PALM2AKAP2: variants seen among roughly 807,000 people sequenced by gnomAD.
The protein encoded by PALM2AKAP2 is PALM2 and AKAP2 fusion.
In PALM2AKAP2, 37 loss-of-function variants were observed where a neutral mutation model predicts 71.5. That is an observed-to-expected ratio of 0.52 (90% confidence interval 0.40 to 0.68). The LOEUF (loss-of-function observed/expected upper bound fraction) is 0.68, where lower values mean the gene tolerates loss of function less well. Among genes scored for constraint, PALM2AKAP2 ranks in the 30% least tolerant of loss-of-function variants. PALM2AKAP2 has a pLI of 0.00. For synonymous variants in PALM2AKAP2, 468 were observed against 478.8 expected (o/e 0.98, Z 0.29); for missense variants, 1,224 against 1,191.8 (o/e 1.03, Z -0.40).
At chr9:109,880,729 A>C in intron 3 of PALM2AKAP2, 48 bp downstream of exon 3, 1 of 1,605,276 alleles carries the variant, frequency 6.2e-7, no homozygotes, top group South Asian at 1.1e-5. Context: ...TTTTCAGTGC[A>C]GTAACCACTG....
chr9:109,972,604 T>C (rs988354337), intron 6 of PALM2AKAP2, among the ~76,000 whole-genome samples: 3 of 152,284 alleles, frequency 2.0e-5, no homozygotes, highest in East Asian at 1.9e-4. Flanking sequence ...CAGTATACTA[T>C]AGACAATGTT....
At chr9:109,747,774 A>G (rs902111986) in intron 1 of PALM2AKAP2, among the ~76,000 whole-genome samples, 2 of 152,000 alleles carry the variant, frequency 1.3e-5, no homozygotes, top group Non-Finnish European at 1.5e-5. Flanking sequence ...GACTCAATGG[A>G]TTCTCCCACC....
intron 1 of PALM2AKAP2, among the ~76,000 whole-genome samples, chr9:109,709,600 A>G (rs1021572348): frequency 1.3e-5 from 2 of 151,920 alleles, no homozygotes; most frequent in African/African-American, 2.4e-5. Context: ...ACCAGGCTCT[A>G]CTCCTCAGAG....
chr9:109,959,203 T>C (rs950035958), intron 6 of PALM2AKAP2, among the ~76,000 whole-genome samples: 5 of 152,206 alleles, frequency 3.3e-5, no homozygotes, highest in South Asian at 2.1e-4. Context: ...CTCCTTCTCT[T>C]GTTCTCACTT....
intron 1 of PALM2AKAP2, among the ~76,000 whole-genome samples, chr9:109,842,561 A>G (rs931000102): frequency 1.3e-5 from 2 of 152,242 alleles, no homozygotes; most frequent in Non-Finnish European, 2.9e-5. Context: ...AAAGCTAATT[A>G]AAATCTATAA....
chr9:110,126,760 C>T (rs1359821593), intron 1 of PALM2AKAP2, among the ~76,000 whole-genome samples: 1 of 152,200 alleles, frequency 6.6e-6, no homozygotes, highest in Non-Finnish European at 1.5e-5. Flanking sequence ...GCTGCTGACC[C>T]CCACCACACA....
chr9:109,985,977 T>G (rs1042489521), intron 6 of PALM2AKAP2, among the ~76,000 whole-genome samples: 4 of 152,178 alleles, frequency 2.6e-5, no homozygotes, highest in Non-Finnish European at 5.9e-5. Context: ...TCCGGCTGCA[T>G]ACCTCCCAGT....
intron 1 of PALM2AKAP2, among the ~76,000 whole-genome samples, chr9:109,769,670 A>C (rs544577783): frequency 1.2e-4 from 18 of 152,296 alleles, no homozygotes; most frequent in Admixed American, 1.0e-3. Flanking sequence ...GATATTTGTG[A>C]AGGTGCCTGA....
intron 1 of PALM2AKAP2, among the ~76,000 whole-genome samples, chr9:110,102,157 C>T (rs1419102514): frequency 6.6e-6 from 1 of 152,220 alleles, no homozygotes; most frequent in Non-Finnish European, 1.5e-5. Flanking sequence ...CTTGATGCCA[C>T]ATCCCAGCCT....
At chr9:109,780,628 C>G (rs1829428531) in intron 1 of PALM2AKAP2, 95 bp downstream of exon 1, 1 of 1,540,658 alleles carries the variant, frequency 6.5e-7, no homozygotes, top group Non-Finnish European at 9.0e-7. Context: ...AGCACAGTAG[C>G]CGCAGGTCAT....
chr9:110,172,270 A>G (rs1013636172), exon 4 of PALM2AKAP2: 1 of 152,542 alleles, frequency 6.6e-6, no homozygotes, highest in Non-Finnish European at 1.5e-5. Context: ...TGAGCTGCCA[A>G]TTTTGATTTT....
intron 1 of PALM2AKAP2, among the ~76,000 whole-genome samples, chr9:109,801,974 G>A (rs564960394): frequency 6.6e-6 from 1 of 152,198 alleles, no homozygotes; most frequent in Admixed American, 6.5e-5. Context: ...CTGATGAATG[G>A]GCAATTTATG....
At chr9:110,105,562 A>G (rs943877642) in intron 1 of PALM2AKAP2, among the ~76,000 whole-genome samples, 2 of 152,232 alleles carry the variant, frequency 1.3e-5, no homozygotes, top group Non-Finnish European at 2.9e-5. Context: ...TTAATTTTCA[A>G]TAAGGTCCAT....
chr9:109,940,518 G>C (rs1439142684), intron 6 of PALM2AKAP2, among the ~76,000 whole-genome samples: 8 of 152,168 alleles, frequency 5.3e-5, no homozygotes, highest in African/African-American at 1.9e-4. Context: ...GTGTTATTTG[G>C]TTGTGCTAAA....
At chr9:110,128,834 T>C (rs1376627359) in intron 1 of PALM2AKAP2, among the ~76,000 whole-genome samples, 1 of 152,212 alleles carries the variant, frequency 6.6e-6, no homozygotes, top group Non-Finnish European at 1.5e-5. Context: ...TGCACTTCCT[T>C]AAAGTTATTT....
chr9:109,816,433 A>G (rs571157936), intron 1 of PALM2AKAP2, among the ~76,000 whole-genome samples: 2 of 152,332 alleles, frequency 1.3e-5, no homozygotes, highest in East Asian at 3.9e-4. Flanking sequence ...AAAAGACCCA[A>G]GAGCAGAGGT....
chr9:109,743,323 G>A (rs1402335674), intron 1 of PALM2AKAP2, among the ~76,000 whole-genome samples: 1 of 152,148 alleles, frequency 6.6e-6, no homozygotes, highest in African/African-American at 2.4e-5. Context: ...TCATGCACAG[G>A]GTGTTGAGTC....
At chr9:109,830,599 G>A (rs1828270410) in intron 1 of PALM2AKAP2, among the ~76,000 whole-genome samples, 1 of 152,224 alleles carries the variant, frequency 6.6e-6, no homozygotes, top group South Asian at 2.1e-4. Context: ...CACTTAAGGA[G>A]AATGGAGTAT....
intron 3 of PALM2AKAP2, among the ~76,000 whole-genome samples, chr9:109,882,730 A>G (rs1829880796): frequency 6.6e-6 from 1 of 152,016 alleles, no homozygotes; most frequent in African/African-American, 2.4e-5. Flanking sequence ...GCAGCGTCAA[A>G]CTTCTGGACT....
Sources: allele counts gnomAD v4.1 joint callset (sites outside exome capture counted in the v4.1 genomes callset), GRCh38; gene constraint gnomAD v4.1.1; transcripts MANE v1.5; gene names NCBI Gene and HGNC (gene_info 2026-07-23, HGNC 2026-07-21).